The following PCDHA2 variants were observed in gnomAD, a reference collection of about 807,000 sequenced individuals.
The protein encoded by PCDHA2 is protocadherin alpha-2.
In PCDHA2, 58 loss-of-function variants were observed where a neutral mutation model predicts 66.0. That is an observed-to-expected ratio of 0.88 (90% CI 0.71 to 1.09). PCDHA2 has a LOEUF of 1.09. PCDHA2 is among the 50% of genes least tolerant of loss of function. PCDHA2 has a pLI of 0.00. For synonymous variants in PCDHA2, 634 were observed against 554.0 expected (o/e 1.14, Z -2.03); for missense variants, 1,267 against 1,242.3 (o/e 1.02, Z -0.30).
chr5:140,974,744 T>A (rs966437450), intron 1 of PCDHA2, among the ~76,000 whole-genome samples: 11 of 152,144 alleles, frequency 7.2e-5, no homozygotes, highest in African/African-American at 2.4e-4. Context: ...CACCTTGGCC[T>A]CCCAAAGTGC....
At chr5:140,901,284 G>T (rs868936344) in intron 1 of PCDHA2, among the ~76,000 whole-genome samples, 1 of 152,046 alleles carries the variant, frequency 6.6e-6, no homozygotes, top group Admixed American at 6.6e-5. Flanking sequence ...AGAAATTTTT[G>T]CCCAGACTGA....
chr5:140,999,132 T>C (rs1430473415), intron 3 of PCDHA2, among the ~76,000 whole-genome samples: 2 of 152,160 alleles, frequency 1.3e-5, no homozygotes, highest in Non-Finnish European at 2.9e-5. Flanking sequence ...CTGGAAAATG[T>C]CACAGCCGGA....
At chr5:140,986,085 TCA>T (rs1395722991) in intron 3 of PCDHA2, among the ~76,000 whole-genome samples, 1 of 152,182 alleles carries the variant, frequency 6.6e-6, no homozygotes, top group Non-Finnish European at 1.5e-5. Context: ...TCATTTATTT[TCA>T]CAGTCTGCAA....
intron 1 of PCDHA2, among the ~76,000 whole-genome samples, chr5:140,832,976 A>G (rs2150205611): frequency 1.2e-4 from 18 of 152,224 alleles, no homozygotes; most frequent in African/African-American, 4.3e-4. Flanking sequence ...AAATGTACCT[A>G]GAAATGAGGA....
In PCDHA2 at chr5:140,849,670, A is replaced by G. The variant is rs2150444272; in HGVS notation, c.2388+52318A>G. On this transcript the variant is annotated intron_variant, in intron 1 of 3. Coordinates refer to ENST00000526136, the MANE Select transcript of PCDHA2 (RefSeq NM_018905.3). The stretch of plus-strand genomic sequence containing the variant: ...CAGGTTACCTGCTCCCTGACGCCCC[A>G]CGTCCCCTTCAAGCTGGTGTCCACC... The G allele has an allele frequency of 1.7e-5, 27 of 1,598,602 alleles. 2 individuals carry two copies. The highest frequency in any genetic ancestry group is 9.9e-5 in the South Asian group (9 of 90,546).
intron 1 of PCDHA2, chr5:140,836,577 T>A: frequency 6.2e-7 from 1 of 1,613,654 alleles, no homozygotes; most frequent in East Asian, 2.2e-5. Context: ...TGAGGGCGCA[T>A]GTAGTTTGGT....
intron 1 of PCDHA2, among the ~76,000 whole-genome samples, chr5:140,950,903 T>C (rs2094530592): frequency 6.6e-6 from 1 of 152,024 alleles, no homozygotes; most frequent in South Asian, 2.1e-4. Context: ...TTTATTTTAT[T>C]TTTATTTTAT....
chr5:140,869,828 T>G, intron 1 of PCDHA2: 2 of 1,611,962 alleles, frequency 1.2e-6, no homozygotes, highest in South Asian at 2.2e-5. Context: ...GATCCAGAGT[T>G]TGATAAATCA....
chr5:140,928,368 A>G, intron 1 of PCDHA2: 3 of 1,614,212 alleles, frequency 1.9e-6, no homozygotes, highest in Non-Finnish European at 2.5e-6. Context: ...CTGAAGGGCC[A>G]TCAGCCTCTA....
Position 140,796,339 on chromosome 5 carries a change from G to A in PCDHA2, c.1375G>A (p.Glu459Lys). 1 of 1,611,516 alleles carries A rather than the reference G, an allele frequency of 6.2e-7. No individual in the cohort carries two copies. The highest frequency in any genetic ancestry group is 8.5e-7 in the Non-Finnish European group (1 of 1,179,242). The change falls in exon 1 of 4, where the codon GAG becomes AAG. Residue 459 changes from glutamate (E) to lysine (K), a missense_variant. Transcript: ENST00000526136. ...NDNAPAFAQP[E>K]YTVFVKENNP... is the part of the protein sequence containing the mutation. ...CAACGCGCCGGCGTTCGCACAGCCT[G>A]AGTACACAGTATTCGTGAAGGAGAA...
At chr5:140,997,481 A>G (rs1563624223) in intron 3 of PCDHA2, among the ~76,000 whole-genome samples, 1 of 152,224 alleles carries the variant, frequency 6.6e-6, no homozygotes, top group Non-Finnish European at 1.5e-5. Flanking sequence ...ACACAATGAT[A>G]AGTATTTGTG....
chr5:140,946,221 A>G (rs1287007358), intron 1 of PCDHA2, among the ~76,000 whole-genome samples: 2 of 152,214 alleles, frequency 1.3e-5, no homozygotes, highest in Admixed American at 6.5e-5. Context: ...ACCAACAGGT[A>G]TACTAAAAAA....
Position 140,795,787 on chromosome 5 carries a change from A to T in PCDHA2, c.823A>T (p.Ser275Cys), listed in dbSNP as rs1464400979. ...NASDADEGPN[S>C]EIVYSLGSDV... ...TTCTGATGCAGATGAAGGACCGAAC[A>T]GCGAGATTGTGTATTCACTCGGTAG... Residue 275 changes from serine (S) to cysteine (C), a missense_variant, in exon 1 of 4, where the codon AGC becomes TGC. Coordinates refer to ENST00000526136, the MANE Select transcript of PCDHA2 (RefSeq NM_018905.3). 1 of 1,613,896 alleles carries T rather than the reference A, an allele frequency of 6.2e-7. No homozygotes were observed. The highest frequency in any genetic ancestry group is 8.5e-7 in the Non-Finnish European group (1 of 1,179,900).
chr5:140,884,821 G>T (rs1470699415), intron 1 of PCDHA2: 1 of 1,011,638 alleles, frequency 9.9e-7, no homozygotes, highest in Admixed American at 3.4e-5. Context: ...TGGACATTAT[G>T]TGTTGGATTA....
chr5:140,801,359 G>A, intron 1 of PCDHA2: 1 of 1,613,428 alleles, frequency 6.2e-7, no homozygotes, highest in Non-Finnish European at 8.5e-7. Flanking sequence ...ACCTGGGGCT[G>A]GAGCTGGCGG....
intron 1 of PCDHA2, chr5:140,876,679 A>T (rs782671923): frequency 2.5e-6 from 4 of 1,614,118 alleles, no homozygotes; most frequent in Non-Finnish European, 3.4e-6. Flanking sequence ...CACCTACAAG[A>T]ATTACTACTC....
chr5:140,848,437 A>G lies in PCDHA2; in HGVS notation c.2388+51085A>G. ...AGCAGAATGGGACTGACGAAATCAGATGATTTCTTCTAATTTGGAGGCAAT... is the reference window on the plus strand; with the variant it reads ...AGCAGAATGGGACTGACGAAATCAGGTGATTTCTTCTAATTTGGAGGCAAT... On this transcript the variant is annotated intron_variant, in intron 1 of 3. Transcript: ENST00000526136. 4 of 1,473,718 alleles carry G rather than the reference A, an allele frequency of 2.7e-6. 1 individual carries two copies. Among genetic ancestry groups the G allele is most frequent in the Admixed American group, 1.9e-5 (1 of 52,040 alleles). 91.3% of individuals were successfully genotyped at this position (1,473,718 alleles called of 1,614,324 possible). A position where few individuals can be genotyped will look rare whatever the true frequency, so the allele number is the denominator to read the frequency against.
chr5:140,843,339 G>A (rs2150357830), intron 1 of PCDHA2: 2 of 1,596,042 alleles, frequency 1.3e-6, no homozygotes, highest in Admixed American at 1.7e-5. Flanking sequence ...GTGGAGAGCG[G>A]CCAGGCTCCA....
intron 1 of PCDHA2, chr5:140,842,218 G>C (rs1554138887): frequency 2.5e-6 from 4 of 1,613,154 alleles, no homozygotes; most frequent in Admixed American, 1.7e-5. Context: ...ATCGAAATAC[G>C]GGAGAAATAG....
Sources: allele counts gnomAD v4.1 joint callset (sites outside exome capture counted in the v4.1 genomes callset), GRCh38; gene constraint gnomAD v4.1.1; transcripts MANE v1.5; gene names NCBI Gene and HGNC (gene_info 2026-07-23, HGNC 2026-07-21).